Variants in RNF138 observed in about 807,000 individuals in gnomAD.
The protein encoded by RNF138 is E3 ubiquitin-protein ligase RNF138.
In RNF138, 12 loss-of-function variants were observed where a neutral mutation model predicts 31.0. The observed-to-expected ratio is 0.39, with a 90% CI of 0.25 to 0.63. RNF138 has a LOEUF of 0.63. Among genes scored for constraint, RNF138 ranks in the 20% least tolerant of loss-of-function variants. The pLI, the probability that RNF138 is intolerant of heterozygous loss-of-function variation, is 0.52. For synonymous variants in RNF138, 105 were observed against 99.5 expected (o/e 1.06, Z -0.33); for missense variants, 192 against 300.1 (o/e 0.64, Z 2.66).
At chr18:32,093,396 C>T (rs1216916676) in intron 2 of RNF138, among the ~76,000 whole-genome samples, 2 of 152,166 alleles carry the variant, frequency 1.3e-5, no homozygotes, top group Non-Finnish European at 2.9e-5. Context: ...CTTGGTCCGT[C>T]CCCTCGGTCC....
At chr18:32,094,125 T>G (rs1276291222) in intron 2 of RNF138, among the ~76,000 whole-genome samples, 1 of 152,194 alleles carries the variant, frequency 6.6e-6, no homozygotes, top group African/African-American at 2.4e-5. Flanking sequence ...ACACTCAGGC[T>G]TGAAAGTTAC....
chr18:32,096,862 C>T (rs1055167266), intron 2 of RNF138, among the ~76,000 whole-genome samples: 40 of 152,078 alleles, frequency 2.6e-4, no homozygotes, highest in African/African-American at 9.4e-4. Context: ...AAGTAGCTAG[C>T]TGGGACTACA....
chr18:32,127,165 T>C (rs2040397078), intron 7 of RNF138, among the ~76,000 whole-genome samples: 1 of 152,204 alleles, frequency 6.6e-6, no homozygotes, highest in African/African-American at 2.4e-5. Context: ...TATAAGTTGC[T>C]TGTATTATGC....
intron 2 of RNF138, among the ~76,000 whole-genome samples, chr18:32,108,628 A>T (rs2040075306): frequency 6.6e-6 from 1 of 152,076 alleles, no homozygotes; most frequent in Non-Finnish European, 1.5e-5. Context: ...GTGGCTATGA[A>T]CTTTCTAGCA....
intron 5 of RNF138, 63 bp from the exon 6 acceptor site, chr18:32,124,671 T>A: frequency 1.2e-6 from 1 of 813,644 alleles, no homozygotes; most frequent in Non-Finnish European, 2.2e-6. Flanking sequence ...CCTCAAAAAA[T>A]AGGAGAGCGT....
intron 2 of RNF138, among the ~76,000 whole-genome samples, chr18:32,100,058 T>C (rs1568225719): frequency 6.6e-6 from 1 of 152,188 alleles, no homozygotes; most frequent in East Asian, 1.9e-4. Flanking sequence ...TAATACTTTT[T>C]AAATTAAGGT....
intron 6 of RNF138, among the ~76,000 whole-genome samples, chr18:32,126,207 A>AC (rs2040381385): frequency 6.6e-6 from 1 of 152,236 alleles, no homozygotes; most frequent in Non-Finnish European, 1.5e-5. Context: ...CCCAGCCTGG[A>AC]CAACAGTGAG....
chr18:32,110,143 A>G (rs2144593282), intron 2 of RNF138, among the ~76,000 whole-genome samples: 1 of 151,994 alleles, frequency 6.6e-6, no homozygotes, highest in South Asian at 2.1e-4. Context: ...ATGCTACTAT[A>G]CCCAGCTAAT....
At chr18:32,095,332 A>G (rs2039785776) in intron 2 of RNF138, among the ~76,000 whole-genome samples, 1 of 151,966 alleles carries the variant, frequency 6.6e-6, no homozygotes, top group African/African-American at 2.4e-5. Context: ...TCCATGCCTG[A>G]CTAATTTTGT....
intron 2 of RNF138, among the ~76,000 whole-genome samples, chr18:32,103,278 T>A (rs562584630): frequency 1.3e-5 from 2 of 152,216 alleles, no homozygotes; most frequent in Non-Finnish European, 2.9e-5. Context: ...AGCTTTGAAC[T>A]CCTGGAGTTA....
At chr18:32,116,190 C>T (rs1418154622) in intron 4 of RNF138, among the ~76,000 whole-genome samples, 2 of 152,138 alleles carry the variant, frequency 1.3e-5, no homozygotes, top group Non-Finnish European at 2.9e-5. Flanking sequence ...TCCCTCACCT[C>T]CACACTTTTA....
intron 4 of RNF138, among the ~76,000 whole-genome samples, chr18:32,114,264 T>G (rs1156889165): frequency 6.6e-6 from 1 of 152,192 alleles, no homozygotes; most frequent in Admixed American, 6.5e-5. Flanking sequence ...GAGTTTGAAA[T>G]TTTTATTCTA....
intron 7 of RNF138, among the ~76,000 whole-genome samples, chr18:32,128,246 T>C (rs937721202): frequency 3.3e-5 from 5 of 152,136 alleles, no homozygotes; most frequent in Non-Finnish European, 5.9e-5. Flanking sequence ...TGGTTAAGAA[T>C]TTATTACTCA....
Position 32,102,264 on chromosome 18 carries a change from C to T in RNF138, c.110+9378C>T, listed in dbSNP as rs1251567702. On this transcript the variant is annotated intron_variant, in intron 2 of 7. Transcript: ENST00000261593. ...TCACCCAGGCTGGAGTGCAGTGGCGCGATGTCGGCTCACTGCAAGCTCCAC... is the reference window on the plus strand; with the variant it reads ...TCACCCAGGCTGGAGTGCAGTGGCGTGATGTCGGCTCACTGCAAGCTCCAC... Among the ~76,000 whole-genome samples the T allele has an allele frequency of 1.2e-4, 17 of 136,154 alleles. No homozygotes were observed. In the East Asian group the frequency reaches 2.0e-3, roughly 16 times the overall value. The allele number at this position is 136,154 out of a possible 152,430, so 89.3% of individuals were successfully genotyped here.
At chr18:32,108,080 C>G (rs1254310950) in intron 2 of RNF138, among the ~76,000 whole-genome samples, 1 of 151,950 alleles carries the variant, frequency 6.6e-6, no homozygotes, top group Non-Finnish European at 1.5e-5. Flanking sequence ...GTCTTGACCT[C>G]CTGACTTCAG....
At chr18:32,099,096 T>C (rs9953463) in intron 2 of RNF138, among the ~76,000 whole-genome samples, 98,639 of 151,902 alleles carry the variant, frequency 0.65, 32,313 homozygotes, top group East Asian at 0.74. Context: ...GAATGCGTAA[T>C]GGAAATTCGT....
intron 2 of RNF138, among the ~76,000 whole-genome samples, chr18:32,095,028 C>T (rs907551528): frequency 2.0e-5 from 3 of 151,854 alleles, no homozygotes; most frequent in Non-Finnish European, 4.4e-5. Flanking sequence ...ACTTATTGTA[C>T]GTAGACAGTT....
At chr18:32,127,073 C>T (rs757401991) in intron 7 of RNF138, among the ~76,000 whole-genome samples, 5 of 152,060 alleles carry the variant, frequency 3.3e-5, no homozygotes, top group Non-Finnish European at 5.9e-5. Context: ...TACATGAAAA[C>T]TCTGTCAAGA....
At chr18:32,095,845 A>G (rs765814312) in intron 2 of RNF138, among the ~76,000 whole-genome samples, 9 of 152,252 alleles carry the variant, frequency 5.9e-5, no homozygotes, top group Non-Finnish European at 8.8e-5. Context: ...GAGACTTAAT[A>G]GTCCGCTGGA....
Sources: allele counts gnomAD v4.1 joint callset (sites outside exome capture counted in the v4.1 genomes callset), GRCh38; gene constraint gnomAD v4.1.1; transcripts MANE v1.5; gene names NCBI Gene and HGNC (gene_info 2026-07-23, HGNC 2026-07-21).